RYR3: variants seen among roughly 807,000 people sequenced by gnomAD.
The protein encoded by RYR3 is brain ryanodine receptor-calcium release channel.
Under a neutral mutation model 584.3 loss-of-function variants are expected in RYR3, and 207 were observed. The observed-to-expected ratio is 0.35, with a 90% CI of 0.32 to 0.40. The LOEUF (loss-of-function observed/expected upper bound fraction) is 0.40, where lower values mean the gene tolerates loss of function less well. Ranked by LOEUF, RYR3 falls within the 10% of genes least tolerant of loss-of-function variation. RYR3 has a pLI of 1.00. For missense variants in RYR3, 5,616 were observed against 6,089.2 expected (o/e 0.92, Z 2.59); for synonymous variants, 2,416 against 2,248.5 (o/e 1.07, Z -2.11).
At chr15:33,576,151 T>C (rs765608047) in intron 12 of RYR3, among the ~76,000 whole-genome samples, 28 of 152,108 alleles carry the variant, frequency 1.8e-4, no homozygotes, top group Non-Finnish European at 3.5e-4. Context: ...CAGGACAGGA[T>C]GGACTTAACA....
chr15:33,651,143 A>G (rs754141907), intron 31 of RYR3, among the ~76,000 whole-genome samples: 21 of 152,256 alleles, frequency 1.4e-4, no homozygotes, highest in African/African-American at 4.8e-4. Context: ...AAGACATACT[A>G]TATGGTACAC....
intron 55 of RYR3, among the ~76,000 whole-genome samples, chr15:33,749,102 G>A (rs1170374258): frequency 6.6e-6 from 1 of 152,158 alleles, no homozygotes; most frequent in African/African-American, 2.4e-5. Flanking sequence ...CAGAACGCAT[G>A]GTTAAGGAAG....
intron 1 of RYR3, among the ~76,000 whole-genome samples, chr15:33,418,081 G>A (rs1436839048): frequency 6.6e-6 from 1 of 152,074 alleles, no homozygotes; most frequent in Non-Finnish European, 1.5e-5. Context: ...CTAGTATTTT[G>A]TTAATGATTT....
chr15:33,754,273 C>A (rs12148238), intron 57 of RYR3, among the ~76,000 whole-genome samples: 88,631 of 152,044 alleles, frequency 0.58, 28,195 homozygotes, highest in East Asian at 0.73. Flanking sequence ...AACCAGTGAT[C>A]CTGTTATGAT....
chr15:33,857,925 A>G lies in RYR3; in HGVS notation c.14142+11A>G. 7.2e-7 allele frequency: 1 copy of G among 1,380,476 alleles called. No homozygotes were observed. Among genetic ancestry groups the G allele is most frequent in the Non-Finnish European group, 9.6e-7 (1 of 1,037,916 alleles). 85.5% of individuals were successfully genotyped at this position (1,380,476 alleles called of 1,614,324 possible). ...GACGACATGATGACGGTGAGAGCCC[A>G]CCCACTGCGGGGCCAGCCCACCCAC... is the stretch of plus-strand genomic sequence containing the variant. On this transcript the variant is annotated intron_variant, in intron 99 of 103. Coordinates refer to ENST00000634891, the MANE Select transcript of RYR3 (RefSeq NM_001036.6).
At chr15:33,718,807 C>A (rs1231331985) in intron 43 of RYR3, among the ~76,000 whole-genome samples, 3 of 152,102 alleles carry the variant, frequency 2.0e-5, no homozygotes, top group Admixed American at 1.3e-4. Flanking sequence ...GAAAAGAAAA[C>A]AGTAACATGA....
intron 1 of RYR3, among the ~76,000 whole-genome samples, chr15:33,414,963 T>C (rs943762459): frequency 4.6e-5 from 7 of 152,186 alleles, no homozygotes; most frequent in Non-Finnish European, 1.0e-4. Context: ...CTGGGTTATA[T>C]ATAGGCACCC....
chr15:33,821,657 C>A, intron 80 of RYR3, 55 bp downstream of exon 80: 1 of 1,530,360 alleles, frequency 6.5e-7, no homozygotes, highest in Non-Finnish European at 9.0e-7. Flanking sequence ...CATTTGACAC[C>A]TGTCATGCTT....
chr15:33,649,345 A>G, intron 31 of RYR3, 110 bp downstream of exon 31: 2 of 1,053,884 alleles, frequency 1.9e-6, no homozygotes, highest in Non-Finnish European at 2.7e-6. Context: ...GCCTCTCTTA[A>G]AAGGAGAAAA....
intron 81 of RYR3, 64 bp from the exon 82 acceptor site, chr15:33,825,539 C>A: frequency 9.7e-7 from 1 of 1,033,440 alleles, no homozygotes; most frequent in Non-Finnish European, 1.5e-6. Flanking sequence ...GGTACATTAA[C>A]ATTAGAAATC....
intron 1 of RYR3, among the ~76,000 whole-genome samples, chr15:33,445,696 C>CACA (rs1041025417): frequency 7.3e-5 from 11 of 151,146 alleles, no homozygotes; most frequent in Non-Finnish European, 1.5e-4. Flanking sequence ...CACACACACA[C>CACA]ACACACACAC....
Position 33,719,248 on chromosome 15 carries a change from A to AC in RYR3, c.6620-3464dup, listed in dbSNP as rs2067722943. ...CTTCCTGGGTCACTTGCAGGAGCAGACCCAATTAGTTCAGTTCTGAAGGCC... is the reference window on the plus strand; with the variant it reads ...CTTCCTGGGTCACTTGCAGGAGCAGACCCCAATTAGTTCAGTTCTGAAGGCC... On this transcript the variant is annotated intron_variant, in intron 43 of 103. Transcript: ENST00000634891. Among the ~76,000 whole-genome samples, 7 of 152,376 alleles carry AC rather than the reference A, an allele frequency of 4.6e-5. No homozygotes were observed. The South Asian group carries it at 1.4e-3, about 32-fold the overall frequency.
At chr15:33,422,854 A>G (rs1374223579) in intron 1 of RYR3, among the ~76,000 whole-genome samples, 1 of 152,214 alleles carries the variant, frequency 6.6e-6, no homozygotes, top group Non-Finnish European at 1.5e-5. Context: ...AATATATTTT[A>G]AAGGCATCTA....
intron 42 of RYR3, among the ~76,000 whole-genome samples, chr15:33,706,020 T>A (rs1274223708): frequency 6.6e-6 from 1 of 152,154 alleles, no homozygotes; most frequent in Admixed American, 6.5e-5. Flanking sequence ...TACATAACAA[T>A]GATAATCAAT....
intron 1 of RYR3, among the ~76,000 whole-genome samples, chr15:33,435,655 A>G (rs1297532271): frequency 1.3e-5 from 2 of 152,152 alleles, no homozygotes; most frequent in Admixed American, 6.5e-5. Context: ...GAATGAAGCC[A>G]CCGACCTCAA....
chr15:33,806,422 G>C (rs988953404), intron 69 of RYR3, among the ~76,000 whole-genome samples: 1 of 152,022 alleles, frequency 6.6e-6, no homozygotes, highest in African/African-American at 2.4e-5. Flanking sequence ...GGAAGCTAAG[G>C]AGGGAGGATC....
intron 69 of RYR3, among the ~76,000 whole-genome samples, chr15:33,805,749 T>A (rs913892721): frequency 1.3e-5 from 2 of 152,028 alleles, no homozygotes; most frequent in Non-Finnish European, 2.9e-5. Context: ...AGTGCTGGGA[T>A]TACAGGCTTG....
chr15:33,493,586 A>T (rs2051158674), intron 2 of RYR3, among the ~76,000 whole-genome samples: 1 of 152,198 alleles, frequency 6.6e-6, no homozygotes, highest in Non-Finnish European at 1.5e-5. Flanking sequence ...TCCAGGTGCA[A>T]GGGTTCCAAC....
At chr15:33,473,610 C>T in intron 2 of RYR3, 72 bp downstream of exon 2, 2 of 1,480,952 alleles carry the variant, frequency 1.4e-6, no homozygotes, top group African/African-American at 1.4e-5. Context: ...GGAGATACTG[C>T]TGGGAGATGG....
Sources: gnomAD v4.1 joint callset for allele counts (sites outside exome capture counted in the v4.1 genomes callset) on GRCh38, gnomAD v4.1.1 for gene constraint, MANE v1.5 for transcripts, NCBI Gene and HGNC (gene_info 2026-07-23, HGNC 2026-07-21) for gene names.